KSR2: variants seen among roughly 807,000 people sequenced by gnomAD.
The protein encoded by KSR2 is kinase suppressor of ras 2.
KSR2 carries 25 observed loss-of-function variants against 107.8 expected under a neutral mutation model. The observed-to-expected ratio is 0.23, with a 90% CI of 0.17 to 0.32. The LOEUF (loss-of-function observed/expected upper bound fraction) is 0.32, where lower values mean the gene tolerates loss of function less well. Among genes scored for constraint, KSR2 ranks in the 10% least tolerant of loss-of-function variants. The pLI, the probability that KSR2 is intolerant of heterozygous loss-of-function variation, is 1.00. For synonymous variants in KSR2, 480 were observed against 507.0 expected (o/e 0.95, Z 0.71); for missense variants, 887 against 1,268.9 (o/e 0.70, Z 4.57).
At position 117,738,380 on chromosome 12, in the gene KSR2, T is replaced by C. The variant is rs144675346; in HGVS notation, c.986+22631A>G. Among the ~76,000 whole-genome samples the C allele has an allele frequency of 4.4e-3, 664 of 152,278 alleles. 3 individuals are homozygous for C. The highest frequency in any genetic ancestry group is 9.0e-3 in the Admixed American group (138 of 15,292). On this transcript the variant is annotated intron_variant, in intron 4 of 19. Coordinates refer to ENST00000339824, the MANE Select transcript of KSR2 (RefSeq NM_173598.6). Reference sequence around the variant, plus strand: ...GATTTCATTGCTGTGCAAAACATCATAGAGTGTACTGACACAAACCTAGAT... The same window carrying C: ...GATTTCATTGCTGTGCAAAACATCACAGAGTGTACTGACACAAACCTAGAT...
intron 3 of KSR2, among the ~76,000 whole-genome samples, chr12:117,851,867 G>A (rs1892938248): frequency 6.6e-6 from 1 of 151,692 alleles, no homozygotes; most frequent in African/African-American, 2.4e-5. Context: ...CTGCAGCCTG[G>A]GCGACAGAGA....
In KSR2 at chr12:117,498,093, C is replaced by T. The variant is rs150843667; in HGVS notation, c.2220-12402G>A. 5.1e-3 allele frequency among the ~76,000 whole-genome samples: 780 copies of T among 152,262 alleles called. 10 individuals are homozygous for T. The highest frequency in any genetic ancestry group is 0.017 in the African/African-American group (724 of 41,552). Reference sequence around the variant, plus strand: ...TGTGCAGGAAGGTAAAGATTACCTGCGCCAGGGTCCTACAGTGAGTAGGCA... The same window carrying T: ...TGTGCAGGAAGGTAAAGATTACCTGTGCCAGGGTCCTACAGTGAGTAGGCA... On this transcript the variant is annotated intron_variant, in intron 14 of 19. Transcript: ENST00000339824.
chr12:117,582,365 GA>G lies in KSR2; in HGVS notation c.1172-7del. ...GCGTGGCACTGACAGTGTGTCTACA[GA>G]GAGAAGAGAACAGCCTGTTACACAG... On this transcript the variant is annotated splice_polypyrimidine_tract_variant and splice_region_variant and intron_variant, in intron 5 of 19. Transcript: ENST00000339824. 1 of 1,612,182 alleles carries G rather than the reference GA, an allele frequency of 6.2e-7. No homozygotes were observed. Among genetic ancestry groups the G allele is most frequent in the Admixed American group, 1.7e-5 (1 of 60,024 alleles).
At chr12:117,731,833 G>T (rs978058669) in intron 4 of KSR2, among the ~76,000 whole-genome samples, 1 of 148,098 alleles carries the variant, frequency 6.8e-6, no homozygotes, top group Non-Finnish European at 1.5e-5. Context: ...ATGCTTGAAG[G>T]CAGCATGCTC....
At chr12:117,540,775 T>C (rs991382154) in intron 9 of KSR2, among the ~76,000 whole-genome samples, 1 of 152,192 alleles carries the variant, frequency 6.6e-6, no homozygotes, top group Admixed American at 6.5e-5. Context: ...TGGAACAGAT[T>C]GTCCTTCAGA....
At chr12:117,672,471 G>A (rs1884951089) in intron 4 of KSR2, among the ~76,000 whole-genome samples, 1 of 152,124 alleles carries the variant, frequency 6.6e-6, no homozygotes, top group Non-Finnish European at 1.5e-5. Flanking sequence ...TAACAAGCTT[G>A]GCAGGGGACC....
At chr12:117,610,982 T>C (rs1881564205) in intron 5 of KSR2, among the ~76,000 whole-genome samples, 1 of 152,196 alleles carries the variant, frequency 6.6e-6, no homozygotes, top group Non-Finnish European at 1.5e-5. Flanking sequence ...CCAATTCTAA[T>C]TTTTAAAATA....
chr12:117,561,193 G>C (rs1214603819), intron 7 of KSR2, among the ~76,000 whole-genome samples: 2 of 152,220 alleles, frequency 1.3e-5, no homozygotes, highest in African/African-American at 4.8e-5. Context: ...CAGAGTGTTA[G>C]ACAAATGTCT....
intron 3 of KSR2, among the ~76,000 whole-genome samples, chr12:117,840,674 G>A (rs1032682103): frequency 6.6e-6 from 1 of 152,056 alleles, no homozygotes; most frequent in Non-Finnish European, 1.5e-5. Flanking sequence ...GGGATTACAG[G>A]CGTAAGCCAC....
intron 14 of KSR2, among the ~76,000 whole-genome samples, chr12:117,490,077 T>C (rs539575444): frequency 1.1e-4 from 16 of 152,282 alleles, no homozygotes; most frequent in African/African-American, 3.9e-4. Flanking sequence ...CCCTATTATA[T>C]CTATTTTATG....
In KSR2 at chr12:117,536,115, G is replaced by T. The variant is rs778463614; in HGVS notation, c.1687+3604C>A. Among the ~76,000 whole-genome samples the T allele has an allele frequency of 4.6e-5, 7 of 152,256 alleles. No individual in the cohort carries two copies. The South Asian group carries it at 6.2e-4, about 14-fold the overall frequency. The stretch of plus-strand genomic sequence containing the variant: ...CACATGTCCTGAGATTAACAAATGA[G>T]TTAAATGGCTGGTCAACCCCCCCAG... On this transcript the variant is annotated intron_variant, in intron 10 of 19. Transcript: ENST00000339824.
At chr12:117,771,981 TACAC>T (rs891993346) in intron 3 of KSR2, among the ~76,000 whole-genome samples, 2 of 137,078 alleles carry the variant, frequency 1.5e-5, no homozygotes, top group Admixed American at 1.5e-4. Flanking sequence ...CACTCACACA[TACAC>T]ACATTCCCCC....
intron 1 of KSR2, among the ~76,000 whole-genome samples, chr12:117,884,766 T>C (rs1894123622): frequency 6.6e-6 from 1 of 152,174 alleles, no homozygotes. Context: ...AGAGTCTAAG[T>C]GCTGCACTGC....
chr12:117,484,460 C>G lies in KSR2; in HGVS notation c.2406G>C (p.Thr802=), dbSNP rs544275419. 4 of 1,613,868 alleles carry G rather than the reference C, an allele frequency of 2.5e-6. No homozygotes were observed. The South Asian group carries it at 4.4e-5, about 18-fold the overall frequency. ...CAGAAATGCTGAAGAGTCCAAAGTC[C>G]GTGATGACCACTTTGCCGTTGTCAT... ...VFYDNGKVVI[T]DFGLFSISGV... Residue 802 remains threonine (T), a synonymous_variant, in exon 16 of 20, where the codon ACG becomes ACC. Transcript: ENST00000339824.
Position 117,527,106 on chromosome 12 carries a change from G to T in KSR2, c.1816C>A (p.Pro606Thr). The T allele has an allele frequency of 1.9e-6, 3 of 1,613,188 alleles. No homozygotes were observed. The highest frequency in any genetic ancestry group is 2.5e-6 in the Non-Finnish European group (3 of 1,179,276). The stretch of plus-strand genomic sequence containing the variant: ...GGCTCCACTTCAATTTGAAGTAATG[G>T]ATTTCCTTCCAAGCTGTAAAGAAAG... ...VTSNPILEGNPLLQIEVEPTS... is the reference protein window; with the variant it reads ...VTSNPILEGNTLLQIEVEPTS... The change falls in exon 13 of 20, where the codon CCA becomes ACA. Residue 606 changes from proline to threonine, a missense_variant. Coordinates refer to ENST00000339824, the MANE Select transcript of KSR2 (RefSeq NM_173598.6).
intron 4 of KSR2, among the ~76,000 whole-genome samples, chr12:117,694,846 T>TACTTCTTC (rs58762926): frequency 1.4e-5 from 1 of 69,748 alleles, no homozygotes; most frequent in Non-Finnish European, 3.1e-5. Flanking sequence ...TGTATGATTC[T>TACTTCTTC]TTTTTTTTTT....
intron 14 of KSR2, among the ~76,000 whole-genome samples, chr12:117,505,411 C>T (rs1477478514): frequency 6.6e-6 from 1 of 151,450 alleles, no homozygotes; most frequent in Non-Finnish European, 1.5e-5. Flanking sequence ...TGTTTTCATG[C>T]CCTTTTATTT....
At chr12:117,731,714 C>G (rs919923761) in intron 4 of KSR2, among the ~76,000 whole-genome samples, 5 of 152,064 alleles carry the variant, frequency 3.3e-5, no homozygotes, top group Non-Finnish European at 7.4e-5. Flanking sequence ...GCCTTGGGAT[C>G]CTGTTGATCT....
intron 4 of KSR2, among the ~76,000 whole-genome samples, chr12:117,751,290 T>A (rs1455510216): frequency 5.3e-5 from 8 of 152,224 alleles, no homozygotes. Context: ...GTGAGTCCAT[T>A]AAACCTCTTT....
Sources: allele counts gnomAD v4.1 joint callset (sites outside exome capture counted in the v4.1 genomes callset), GRCh38; gene constraint gnomAD v4.1.1; transcripts MANE v1.5; gene names NCBI Gene and HGNC (gene_info 2026-07-23, HGNC 2026-07-21).